The following LRRC7 variants were observed in gnomAD, a reference collection of about 807,000 sequenced individuals.
LRRC7 encodes the protein leucine-rich repeat-containing protein 7.
A neutral mutation model predicts 175.7 loss-of-function variants in LRRC7; 23 were observed. The ratio of observed to expected loss-of-function variants is 0.13; its 90% confidence interval spans 0.09 to 0.19. LRRC7 has a LOEUF of 0.19. Ranked by LOEUF, LRRC7 falls within the 10% of genes least tolerant of loss-of-function variation. The pLI, the probability that LRRC7 is intolerant of heterozygous loss-of-function variation, is 1.00. For missense variants in LRRC7, 1,354 were observed against 1,904.7 expected (o/e 0.71, Z 5.38); for synonymous variants, 685 against 680.9 (o/e 1.01, Z -0.09).
In LRRC7 at chr1:70,133,395, A is replaced by G. The variant is rs149224856; in HGVS notation, c.*11508A>G. 2.9e-3 allele frequency among the ~76,000 whole-genome samples: 448 copies of G among 151,990 alleles called. 2 individuals carry two copies. The highest frequency in any genetic ancestry group is 6.4e-3 in the South Asian group (31 of 4,808). ...ACCACCACGCCCGGCTAATTTTTGT[A>G]TTTTTAGTAAAGACAGGTTTTCTCC... On this transcript the variant is annotated 3_prime_UTR_variant, in exon 27 of 27. Coordinates refer to ENST00000651989, the MANE Select transcript of LRRC7 (RefSeq NM_001370785.2).
At position 69,853,270 on chromosome 1, in the gene LRRC7, C is replaced by CTTT. The variant is rs1163071175; in HGVS notation, c.647+15011_647+15013dup. 1.4e-3 allele frequency among the ~76,000 whole-genome samples: 123 copies of CTTT among 88,024 alleles called. 6 individuals are homozygous for CTTT. The highest frequency in any genetic ancestry group is 3.9e-3 in the African/African-American group (88 of 22,374). 57.7% of individuals were successfully genotyped at this position (88,024 alleles called of 152,430 possible). Reference sequence around the variant, plus strand: ...ATTTGTTTCTCTTTTTCCTTTCTTTCTTTTTTTTTTTTTTTTTTTTTTTTT... The same window carrying CTTT: ...ATTTGTTTCTCTTTTTCCTTTCTTTCTTTTTTTTTTTTTTTTTTTTTTTTTTTT... On this transcript the variant is annotated intron_variant, in intron 7 of 26. Transcript: ENST00000651989.
intron 1 of LRRC7, among the ~76,000 whole-genome samples, chr1:69,585,167 G>C (rs1318346092): frequency 2.6e-5 from 4 of 152,212 alleles, no homozygotes; most frequent in Non-Finnish European, 4.4e-5. Flanking sequence ...GGAATAAAAG[G>C]AGAAGAAATG....
intron 4 of LRRC7, among the ~76,000 whole-genome samples, chr1:69,811,591 T>G (rs896162918): frequency 6.6e-6 from 1 of 152,014 alleles, no homozygotes; most frequent in Admixed American, 6.6e-5. Context: ...TATGCATCCA[T>G]AAAAAAGGAT....
intron 26 of LRRC7, among the ~76,000 whole-genome samples, chr1:70,118,396 A>C (rs887080652): frequency 3.3e-5 from 5 of 152,154 alleles, no homozygotes; most frequent in African/African-American, 1.2e-4. Flanking sequence ...TTAGGACTAA[A>C]TGTTATTTCT....
chr1:69,760,200 T>C lies in LRRC7; in HGVS notation c.110T>C (p.Leu37Pro), dbSNP rs746453993. Reference sequence around the variant, plus strand: ...TTCTGCGTTTCTCTAGTGCAGTGCCTGGAGATGACCACCAAACGGAAAATC... The same window carrying C: ...TTCTGCGTTTCTCTAGTGCAGTGCCCGGAGATGACCACCAAACGGAAAATC... ...RKRPEEELQC[L>P]EMTTKRKIIG... is the part of the protein sequence containing the mutation. Residue 37 changes from leucine (L) to proline (P), a missense_variant, in exon 3 of 27, where the codon CTG becomes CCG. Leu to Pro is a moderately conservative substitution (Grantham distance 98). Transcript: ENST00000651989. 16 of 1,612,620 alleles carry C rather than the reference T, an allele frequency of 9.9e-6. No homozygotes were observed. The highest frequency in any genetic ancestry group is 1.3e-5 in the African/African-American group (1 of 74,822).
chr1:70,070,405 A>G (rs1019662656), intron 23 of LRRC7, among the ~76,000 whole-genome samples: 1 of 152,202 alleles, frequency 6.6e-6, no homozygotes, highest in African/African-American at 2.4e-5. Flanking sequence ...CCTTAAAAGT[A>G]TGATAATTCT....
Position 70,038,902 on chromosome 1 carries a change from G to T in LRRC7, c.3078G>T (p.Glu1026Asp). The stretch of plus-strand genomic sequence containing the variant: ...GACCGGATAAGATGCTGGGACCAGA[G>T]CATGGTATGTCCAGTATGTCTCGAA... ...HERPDKMLGP[E>D]HGMSSMSRSQ... is the part of the protein sequence containing the mutation. Residue 1026 changes from glutamate (E) to aspartate (D), a missense_variant, in exon 21 of 27, where the codon GAG (glutamate) becomes GAT (aspartate). By Grantham distance (45) the Glu-to-Asp change is conservative. Coordinates refer to ENST00000651989, the MANE Select transcript of LRRC7 (RefSeq NM_001370785.2). 6.2e-7 allele frequency: 1 copy of T among 1,614,026 alleles called. No individual in the cohort carries two copies. The highest frequency in any genetic ancestry group is 8.5e-7 in the Non-Finnish European group (1 of 1,179,994).
intron 2 of LRRC7, among the ~76,000 whole-genome samples, chr1:69,729,612 T>A (rs571569167): frequency 6.6e-5 from 10 of 152,312 alleles, no homozygotes; most frequent in Non-Finnish European, 1.0e-4. Flanking sequence ...GCTCCCATAG[T>A]CTTTGGCAGC....
chr1:69,849,380 A>G (rs988311061), intron 7 of LRRC7, among the ~76,000 whole-genome samples: 2 of 152,028 alleles, frequency 1.3e-5, no homozygotes, highest in Non-Finnish European at 2.9e-5. Context: ...GCTCTGGATT[A>G]TACTGAAATA....
At chr1:69,748,375 A>T (rs911261828) in intron 2 of LRRC7, among the ~76,000 whole-genome samples, 3 of 152,126 alleles carry the variant, frequency 2.0e-5, no homozygotes, top group African/African-American at 7.2e-5. Context: ...GCGTCTCATC[A>T]CAAAAGGCAA....
intron 8 of LRRC7, among the ~76,000 whole-genome samples, chr1:69,942,597 A>G (rs1000710311): frequency 6.6e-6 from 1 of 152,042 alleles, no homozygotes; most frequent in East Asian, 1.9e-4. Flanking sequence ...TCTAGAGGCC[A>G]CTTGCATTCC....
rs1667160102 is a variant in LRRC7, at chr1:70,143,382, G to T, written c.*21495G>T. ...AAATTTACAATATTCGACTGGTAAA[G>T]AAAGTGCTTCTTTATGACTTCTTTT... On this transcript the variant is annotated 3_prime_UTR_variant, in exon 27 of 27. Transcript: ENST00000651989. The T allele has an allele frequency of 6.6e-6, 1 of 152,052 alleles. No homozygotes were observed. The highest frequency in any genetic ancestry group is 2.1e-4 in the South Asian group (1 of 4,820). 9.4% of individuals were successfully genotyped at this position (152,052 alleles called of 1,614,324 possible).
intron 7 of LRRC7, among the ~76,000 whole-genome samples, chr1:69,927,893 A>AGAG (rs1557898748): frequency 6.6e-6 from 1 of 152,072 alleles, no homozygotes; most frequent in Non-Finnish European, 1.5e-5. Context: ...TCTGCTTTTT[A>AGAG]GAGGTTCCAG....
At chr1:69,925,592 G>T (rs1025525504) in intron 7 of LRRC7, among the ~76,000 whole-genome samples, 5 of 152,044 alleles carry the variant, frequency 3.3e-5, no homozygotes, top group African/African-American at 4.8e-5. Context: ...TTGCATAGAG[G>T]TGTTTGTAGT....
intron 2 of LRRC7, among the ~76,000 whole-genome samples, chr1:69,711,926 T>C (rs1468051022): frequency 1.3e-5 from 2 of 152,140 alleles, no homozygotes; most frequent in African/African-American, 2.4e-5. Context: ...AGGAAGTATA[T>C]GCTGGTGAGA....
intron 7 of LRRC7, among the ~76,000 whole-genome samples, chr1:69,881,103 G>A (rs926491595): frequency 6.6e-6 from 1 of 152,120 alleles, no homozygotes; most frequent in African/African-American, 2.4e-5. Context: ...ATTTTAATTA[G>A]TTGTTTCAAG....
At chr1:69,786,654 G>C (rs1365014671) in intron 3 of LRRC7, among the ~76,000 whole-genome samples, 1 of 152,134 alleles carries the variant, frequency 6.6e-6, no homozygotes, top group Non-Finnish European at 1.5e-5. Context: ...AGAAGAGCTT[G>C]TTCAGGGAAA....
chr1:69,881,260 A>G (rs1459232017), intron 7 of LRRC7, among the ~76,000 whole-genome samples: 1 of 152,210 alleles, frequency 6.6e-6, no homozygotes, highest in Non-Finnish European at 1.5e-5. Context: ...TCTTCTGCTG[A>G]GTGTCAGAAG....
chr1:69,753,943 C>A (rs1455524590), intron 2 of LRRC7, among the ~76,000 whole-genome samples: 1 of 151,990 alleles, frequency 6.6e-6, no homozygotes, highest in Non-Finnish European at 1.5e-5. Context: ...TACCTTTGTG[C>A]CTTATGCAGA....
Sources: allele counts gnomAD v4.1 joint callset (sites outside exome capture counted in the v4.1 genomes callset), GRCh38; gene constraint gnomAD v4.1.1; transcripts MANE v1.5; gene names NCBI Gene and HGNC (gene_info 2026-07-23, HGNC 2026-07-21).